EEA1: variants seen among roughly 807,000 people sequenced by gnomAD.
The protein encoded by EEA1 is early endosome antigen 1, 162kD.
In EEA1, 111 loss-of-function variants were observed where a neutral mutation model predicts 209.2. That is an observed-to-expected ratio of 0.53 (90% CI 0.45 to 0.62). The LOEUF (loss-of-function observed/expected upper bound fraction) is 0.62, where lower values mean the gene tolerates loss of function less well. Among genes scored for constraint, EEA1 ranks in the 20% least tolerant of loss-of-function variants. EEA1 has a pLI of 0.00. For synonymous variants in EEA1, 536 were observed against 540.6 expected (o/e 0.99, Z 0.12); for missense variants, 1,343 against 1,530.8 (o/e 0.88, Z 2.05).
chr12:92,798,399 G>A (rs1375609119), intron 21 of EEA1, among the ~76,000 whole-genome samples: 1 of 150,968 alleles, frequency 6.6e-6, no homozygotes, highest in African/African-American at 2.4e-5. Context: ...GAAGTGCAGC[G>A]GCATGATCTC....
At chr12:92,814,621 G>T in intron 15 of EEA1, among the ~76,000 whole-genome samples, 1 of 151,872 alleles carries the variant, frequency 6.6e-6, no homozygotes, top group Non-Finnish European at 1.5e-5. Flanking sequence ...GGGGAAATGT[G>T]GCTATTCATA....
intron 7 of EEA1, among the ~76,000 whole-genome samples, 176 bp from the exon 8 acceptor site, chr12:92,852,472 CT>C (rs1486871575): frequency 6.6e-6 from 1 of 151,964 alleles, no homozygotes; most frequent in African/African-American, 2.4e-5. Context: ...TTAAAATTAA[CT>C]GTCTACATAA....
Position 92,779,097 on chromosome 12 carries a change from C to G in EEA1, c.3654+18G>C. 1.3e-6 allele frequency: 2 copies of G among 1,586,720 alleles called. No individual in the cohort carries two copies. Among genetic ancestry groups the G allele is most frequent in the Non-Finnish European group, 1.7e-6 (2 of 1,171,072 alleles). On this transcript the variant is annotated intron_variant, in intron 25 of 28. Coordinates refer to ENST00000322349, the MANE Select transcript of EEA1 (RefSeq NM_003566.4). ...AAGCTCTACTGCAAAACACACTTCC[C>G]CCGATTAACTCACTGACCAACTTAG...
chr12:92,802,273 T>C (rs1246521994), intron 19 of EEA1, 131 bp downstream of exon 19: 1 of 827,186 alleles, frequency 1.2e-6, no homozygotes, highest in African/African-American at 1.8e-5. Context: ...TCCCAATTAA[T>C]TTCCTCATAA....
At chr12:92,854,282 AAAAC>A (rs1260137909) in intron 5 of EEA1, among the ~76,000 whole-genome samples, 16 of 152,358 alleles carry the variant, frequency 1.1e-4, no homozygotes, top group African/African-American at 3.8e-4. Flanking sequence ...TATAGATTCT[AAAAC>A]AAATACTTAA....
chr12:92,785,456 A>C (rs1317346679), intron 22 of EEA1, among the ~76,000 whole-genome samples: 1 of 152,174 alleles, frequency 6.6e-6, no homozygotes, highest in Non-Finnish European at 1.5e-5. Context: ...ACACAAGACC[A>C]TCCAACATCA....
At chr12:92,853,313 C>T (rs779312771) in intron 6 of EEA1, among the ~76,000 whole-genome samples, 54 of 152,084 alleles carry the variant, frequency 3.6e-4, no homozygotes, top group Non-Finnish European at 6.9e-4. Flanking sequence ...GTTATTTTCC[C>T]ATATCCATCA....
At chr12:92,882,589 A>G (rs1879197335) in intron 2 of EEA1, among the ~76,000 whole-genome samples, 1 of 152,054 alleles carries the variant, frequency 6.6e-6, no homozygotes, top group South Asian at 2.1e-4. Flanking sequence ...TCATTCTAGT[A>G]GTCTCCAGTT....
At chr12:92,816,046 A>G (rs549793919) in intron 15 of EEA1, among the ~76,000 whole-genome samples, 154 bp downstream of exon 15, 3 of 152,160 alleles carry the variant, frequency 2.0e-5, no homozygotes, top group Non-Finnish European at 2.9e-5. Flanking sequence ...GTCAAACAGG[A>G]AAGTTCAACA....
intron 1 of EEA1, among the ~76,000 whole-genome samples, chr12:92,919,264 G>C (rs796797020): frequency 0.013 from 1,974 of 148,904 alleles, 15 homozygotes; most frequent in Non-Finnish European, 0.016. Context: ...GCATCATCCT[G>C]ATACCAAAGC....
rs964250351 is a variant in EEA1, at chr12:92,812,882, C to T, written c.2043+98G>A. The T allele has an allele frequency of 4.0e-5, 31 of 770,794 alleles. No individual in the cohort carries two copies. The East Asian group carries it at 7.1e-4, about 18-fold the overall frequency. The allele number at this position is 770,794 out of a possible 1,614,324, so 47.7% of individuals were successfully genotyped here. ...TTAAGGGGGATAAGCAAGTCTATCACAAGATTATACAAAACTGGGTATCAT... is the reference window on the plus strand; with the variant it reads ...TTAAGGGGGATAAGCAAGTCTATCATAAGATTATACAAAACTGGGTATCAT... On this transcript the variant is annotated intron_variant, in intron 16 of 28. Transcript: ENST00000322349.
intron 10 of EEA1, among the ~76,000 whole-genome samples, chr12:92,840,057 T>C (rs924197537): frequency 1.3e-4 from 20 of 152,194 alleles, no homozygotes; most frequent in African/African-American, 4.6e-4. Context: ...CTCATACACA[T>C]GGCTGTTGGC....
At chr12:92,824,909 T>C (rs1876223245) in intron 13 of EEA1, among the ~76,000 whole-genome samples, 2 of 152,212 alleles carry the variant, frequency 1.3e-5, no homozygotes, top group Admixed American at 6.5e-5. Context: ...TAATAAATGT[T>C]TTTTGACTAA....
chr12:92,909,072 A>C (rs925470330), intron 1 of EEA1, among the ~76,000 whole-genome samples: 1 of 152,296 alleles, frequency 6.6e-6, no homozygotes, highest in Non-Finnish European at 1.5e-5. Flanking sequence ...GGCCTCCCAA[A>C]GTGCTGGGAT....
In EEA1 at chr12:92,851,153, T is replaced by A; in HGVS notation, c.756A>T (p.Lys252Asn). ...LERERESEKL[K>N]DECKKLQSQY... ...GTGACTGCAATTTTTTGCATTCATC[T>A]TTGAGTTTTTCAGATTCTCGCTCAC... The change falls in exon 9 of 29, where the codon AAA (lysine) becomes AAT (asparagine). Residue 252 changes from lysine (K) to asparagine (N), a missense_variant. This residue lies in a region of EEA1 where 1,307 missense variants were observed against 1,465.5 expected (regional missense o/e 0.89). Coordinates refer to ENST00000322349, the MANE Select transcript of EEA1 (RefSeq NM_003566.4). 1 of 1,613,930 alleles carries A rather than the reference T, an allele frequency of 6.2e-7. No individual in the cohort carries two copies.
rs1873516252 is a variant in EEA1, at chr12:92,773,490, C to T, written c.*2521G>A. On this transcript the variant is annotated 3_prime_UTR_variant, in exon 29 of 29. Coordinates refer to ENST00000322349, the MANE Select transcript of EEA1 (RefSeq NM_003566.4). Reference sequence around the variant, plus strand: ...TTCAAAGGAACAAATCCTATACCAGCAGCTTTGTCTTCTTTCTATTAAAAA... The same window carrying T: ...TTCAAAGGAACAAATCCTATACCAGTAGCTTTGTCTTCTTTCTATTAAAAA... 1 of 152,000 alleles carries T rather than the reference C, an allele frequency of 6.6e-6. No homozygotes were observed. Among genetic ancestry groups the T allele is most frequent in the Non-Finnish European group, 1.5e-5 (1 of 67,598 alleles). 9.4% of individuals were successfully genotyped at this position (152,000 alleles called of 1,614,324 possible).
In EEA1 at chr12:92,798,645, A is replaced by G. The variant is rs573581585; in HGVS notation, c.2967+247T>C. On this transcript the variant is annotated intron_variant, in intron 21 of 28. Transcript: ENST00000322349. ...ATATTATTTTTAATAAGATAGTTTC[A>G]TGTCTATCAAATGATTAGTACAATA... Among the ~76,000 whole-genome samples the G allele has an allele frequency of 3.3e-5, 5 of 152,254 alleles. No homozygotes were observed. In the South Asian group the frequency reaches 1.0e-3, roughly 32 times the overall value.
At chr12:92,901,978 A>C (rs78224765) in intron 1 of EEA1, among the ~76,000 whole-genome samples, 3,256 of 152,242 alleles carry the variant, frequency 0.021, 60 homozygotes, top group Non-Finnish European at 0.033. Context: ...TAACTTTTTC[A>C]CTTATAAAAG....
At chr12:92,799,816 C>A (rs1050997558) in intron 20 of EEA1, among the ~76,000 whole-genome samples, 2 of 151,604 alleles carry the variant, frequency 1.3e-5, no homozygotes, top group African/African-American at 4.8e-5. Context: ...AAAAAAAATT[C>A]TCATATGCCA....
Sources: allele counts gnomAD v4.1 joint callset (sites outside exome capture counted in the v4.1 genomes callset), GRCh38; gene constraint gnomAD v4.1.1; regional missense constraint gnomAD v4.1.1; transcripts MANE v1.5; gene names NCBI Gene and HGNC (gene_info 2026-07-23, HGNC 2026-07-21).